NOP9: variants seen among roughly 807,000 people sequenced by gnomAD.
NOP9 encodes the protein nucleolar protein 9.
Under a neutral mutation model 63.0 loss-of-function variants are expected in NOP9, and 50 were observed. The ratio of observed to expected loss-of-function variants is 0.79; its 90% confidence interval spans 0.63 to 1.00. NOP9 has a LOEUF of 1.00. NOP9 is among the 50% of genes least tolerant of loss of function. NOP9 has a pLI of 0.00. For missense variants in NOP9, 758 were observed against 803.0 expected, an observed-to-expected ratio of 0.94 and a Z score of 0.68; for synonymous variants, 343 against 332.8, an observed-to-expected ratio of 1.03 and a Z score of -0.33.
rs369552340 is a variant in NOP9, at chr14:24,300,619, C to G, written c.459C>G (p.Leu153=). The change falls in exon 2 of 10, where the codon CTC becomes CTG. Residue 153 remains leucine, a synonymous_variant. Coordinates refer to ENST00000267425, the MANE Select transcript of NOP9 (RefSeq NM_174913.3). ...TATTACAAAGTGCTTTGCTACAGCT[C>G]CCTCGATTGCTGGGGAGTGCTGCAG... is the stretch of plus-strand genomic sequence containing the variant. ...VHVLQSALLQ[L]PRLLGSAAEE... 63 of 1,611,858 alleles carry G rather than the reference C, an allele frequency of 3.9e-5. No individual in the cohort carries two copies. The highest frequency in any genetic ancestry group is 5.2e-5 in the Non-Finnish European group (61 of 1,179,742).
the NOP9 span, chr14:24,290,800 G>A: frequency 6.2e-7 from 1 of 1,603,974 alleles, no homozygotes; most frequent in Non-Finnish European, 8.5e-7. Context: ...ACTGAGACAG[G>A]ACGAACCACC....
the NOP9 span, chr14:24,292,407 T>G: frequency 6.9e-6 from 11 of 1,585,364 alleles, no homozygotes; most frequent in Non-Finnish European, 9.4e-6. Flanking sequence ...GCTTCTACTG[T>G]GAATGCTCCA....
rs943655391 is a variant in NOP9 at position 24,307,924 on chromosome 14, T to C, written c.*2829T>C. On this transcript the variant is annotated 3_prime_UTR_variant, in exon 10 of 10. Transcript: ENST00000267425. Reference sequence around the variant, plus strand: ...GTGGTTCTCTCCTGTGCTGGGGCTTTAGTGGTGTTTTCTGTTACAAACCTG... The same window carrying C: ...GTGGTTCTCTCCTGTGCTGGGGCTTCAGTGGTGTTTTCTGTTACAAACCTG... 24 of 1,410,686 alleles carry C rather than the reference T, an allele frequency of 1.7e-5. No homozygotes were observed. Among genetic ancestry groups the C allele is most frequent in the Middle Eastern group, 3.5e-4 (2 of 5,756 alleles). The allele number at this position is 1,410,686 out of a possible 1,614,324, so 87.4% of individuals were successfully genotyped here.
At chr14:24,278,134 G>C in the NOP9 span, among the ~76,000 whole-genome samples, 26 of 152,298 alleles carry the variant, frequency 1.7e-4, no homozygotes, top group Admixed American at 1.1e-3. Context: ...GCGAGACAGG[G>C]CATGATGGAT....
At chr14:24,304,326 G>T in intron 8 of NOP9, 49 bp downstream of exon 8, 2 of 1,504,278 alleles carry the variant, frequency 1.3e-6, no homozygotes, top group Non-Finnish European at 1.8e-6. Flanking sequence ...TCCATTTAGA[G>T]AATATGAGCT....
Position 24,300,643 on chromosome 14 carries a change from AGAGGAGGAGGAGGAG to A in NOP9, c.495_509del (p.Glu165_Glu169del). ...TCCCTCGATTGCTGGGGAGTGCTGC[AGAGGAGGAGGAGGAG>A]GAGGAGGAGGATGGAAAGGATGGTC... On this transcript the variant is annotated inframe_deletion, in exon 2 of 10. Coordinates refer to ENST00000267425, the MANE Select transcript of NOP9 (RefSeq NM_174913.3). The A allele has an allele frequency of 1.2e-5, 19 of 1,577,178 alleles. No individual in the cohort carries two copies. The highest frequency in any genetic ancestry group is 1.7e-5 in the Non-Finnish European group (19 of 1,150,988).
At chr14:24,279,815 T>G in the NOP9 span, among the ~76,000 whole-genome samples, 1 of 152,076 alleles carries the variant, frequency 6.6e-6, no homozygotes, top group Non-Finnish European at 1.5e-5. Context: ...CACCATCACA[T>G]TCGGTTTTGG....
the NOP9 span, among the ~76,000 whole-genome samples, chr14:24,284,450 C>A: frequency 6.6e-6 from 1 of 152,096 alleles, no homozygotes; most frequent in Non-Finnish European, 1.5e-5. Context: ...CCAGTGAGCA[C>A]AGGCAGGTGA....
the NOP9 span, among the ~76,000 whole-genome samples, chr14:24,273,651 AT>A: frequency 1.6e-4 from 24 of 152,308 alleles, no homozygotes; most frequent in African/African-American, 5.8e-4. Flanking sequence ...TAAGCCATTT[AT>A]TGGTTCTCTT....
the NOP9 span, among the ~76,000 whole-genome samples, chr14:24,281,305 C>T: frequency 6.6e-6 from 1 of 152,208 alleles, no homozygotes; most frequent in East Asian, 1.9e-4. Context: ...GATACAGACA[C>T]TGCCATGGCT....
At chr14:24,303,980 G>A in intron 7 of NOP9, 61 bp from the exon 8 acceptor site, 2 of 1,576,812 alleles carry the variant, frequency 1.3e-6, no homozygotes, top group Non-Finnish European at 1.7e-6. Context: ...CAGTGTTCTG[G>A]GGATGGGCTC....
Position 24,303,843 on chromosome 14 carries a change from C to A in NOP9, c.1396C>A (p.Pro466Thr). The stretch of plus-strand genomic sequence containing the variant: ...ACTGACGGAGGAGGAGGGGGCAGTG[C>A]CTGCAGAGCACCAGGTGAGGTAGGG... The part of the protein sequence containing the change: ...YGLTEEEGAV[P>T]AEHQVAMAAA... Residue 466 changes from proline (P) to threonine (T), a missense_variant, in exon 7 of 10, where the codon CCT becomes ACT. By Grantham distance (38) the Pro-to-Thr change is conservative. Transcript: ENST00000267425. 1 of 1,614,078 alleles carries A rather than the reference C, an allele frequency of 6.2e-7. No individual in the cohort carries two copies. Among genetic ancestry groups the A allele is most frequent in the South Asian group, 1.1e-5 (1 of 91,086 alleles).
chr14:24,299,805 C>T (rs1594614905), upstream of NOP9: 1 of 1,045,410 alleles, frequency 9.6e-7, no homozygotes, highest in Non-Finnish European at 1.3e-6. Context: ...CCCCGCCCGG[C>T]TGGGGCGGCG....
the NOP9 span, among the ~76,000 whole-genome samples, chr14:24,286,792 C>T: frequency 6.6e-6 from 1 of 151,860 alleles, no homozygotes; most frequent in African/African-American, 2.4e-5. Context: ...CGGGGTTTCA[C>T]CATGTTAGCC....
Position 24,306,624 on chromosome 14 carries a change from TC to T in NOP9, c.*1532del. The T allele has an allele frequency of 1.3e-6, 2 of 1,505,356 alleles. No individual in the cohort carries two copies. Among genetic ancestry groups the T allele is most frequent in the Non-Finnish European group, 1.8e-6 (2 of 1,093,532 alleles). The allele number at this position is 1,505,356 out of a possible 1,614,324, so 93.2% of individuals were successfully genotyped here. A position where few individuals can be genotyped will look rare whatever the true frequency, so the allele number is the denominator to read the frequency against. On this transcript the variant is annotated 3_prime_UTR_variant, in exon 10 of 10. Transcript: ENST00000267425. ...AGTTGGCTCTAGACATTGGTCGATGTCCCACTTTGACTTTCCGGCACTTTGA... is the reference window on the plus strand; with the variant it reads ...AGTTGGCTCTAGACATTGGTCGATGTCCACTTTGACTTTCCGGCACTTTGA...
At chr14:24,272,247 C>G in the NOP9 span, among the ~76,000 whole-genome samples, 1 of 152,216 alleles carries the variant, frequency 6.6e-6, no homozygotes, top group Admixed American at 6.5e-5. Context: ...ATATCTCCAG[C>G]CCAGATGTCT....
At chr14:24,285,916 G>A in the NOP9 span, among the ~76,000 whole-genome samples, 1 of 152,102 alleles carries the variant, frequency 6.6e-6, no homozygotes, top group Admixed American at 6.5e-5. Flanking sequence ...TTGAACCCAG[G>A]AGGTGGAGGT....
Position 24,300,080 on chromosome 14 carries a change from T to G in NOP9, c.126T>G (p.Pro42=). The G allele has an allele frequency of 5.0e-6, 8 of 1,612,954 alleles. No individual in the cohort carries two copies. The highest frequency in any genetic ancestry group is 6.8e-6 in the Non-Finnish European group (8 of 1,179,786). The change falls in exon 1 of 10, where the codon CCT becomes CCG. Residue 42 remains proline (P), a synonymous_variant. Coordinates refer to ENST00000267425, the MANE Select transcript of NOP9 (RefSeq NM_174913.3). ...LPGRKRQPWP[P]PDGRSEPAPD... is the part of the protein sequence containing the mutation. ...GCCGTAAGCGGCAACCCTGGCCGCCTCCGGATGGGCGCTCGGAGCCGGCTC... is the reference window on the plus strand; with the variant it reads ...GCCGTAAGCGGCAACCCTGGCCGCCGCCGGATGGGCGCTCGGAGCCGGCTC...
the NOP9 span, among the ~76,000 whole-genome samples, chr14:24,284,443 GT>G: frequency 2.6e-5 from 4 of 152,298 alleles, no homozygotes; most frequent in East Asian, 5.8e-4. Flanking sequence ...ACAGGGGCCA[GT>G]GAGCACAGGC....
Sources: gnomAD v4.1 joint callset for allele counts (sites outside exome capture counted in the v4.1 genomes callset) on GRCh38, gnomAD v4.1.1 for gene constraint, MANE v1.5 for transcripts, NCBI Gene and HGNC (gene_info 2026-07-23, HGNC 2026-07-21) for gene names.